Variants in PTAR1 observed in about 807,000 individuals in gnomAD.
The protein encoded by PTAR1 is protein prenyltransferase alpha subunit repeat containing 1.
PTAR1 carries 17 observed loss-of-function variants against 45.5 expected under a neutral mutation model. The ratio of observed to expected loss-of-function variants is 0.37; its 90% CI spans 0.26 to 0.56. PTAR1 has a LOEUF of 0.56. Ranked by LOEUF, PTAR1 falls within the 20% of genes least tolerant of loss-of-function variation. The probability of loss-of-function intolerance (pLI) is 0.77; values close to 1 mark genes in which losing one functional copy is unlikely to be tolerated. For synonymous variants in PTAR1, 169 were observed against 171.3 expected, an observed-to-expected ratio of 0.99 and a Z score of 0.11; for missense variants, 391 against 476.3, an observed-to-expected ratio of 0.82 and a Z score of 1.67.
chr9:69,740,179 G>A (rs1825978619), intron 3 of PTAR1, among the ~76,000 whole-genome samples: 1 of 152,072 alleles, frequency 6.6e-6, no homozygotes, highest in South Asian at 2.1e-4. Context: ...AATAACATGT[G>A]TGTATACATA....
At position 69,723,496 on chromosome 9, in the gene PTAR1, C is replaced by T; in HGVS notation, c.777G>A (p.Glu259=). Reference sequence around the variant, plus strand: ...CTGGCTCACTTCTCAAAGGATTTTGCTCCATCACAGAACTGTCTATCACAG... The same window carrying T: ...CTGGCTCACTTCTCAAAGGATTTTGTTCCATCACAGAACTGTCTATCACAG... ...SQTVIDSSVM[E]QNPLRSEPAL... is the part of the protein sequence containing the mutation. Residue 259 remains glutamate (E), a synonymous_variant, in exon 6 of 8, where the codon GAG becomes GAA. Coordinates refer to ENST00000340434, the MANE Select transcript of PTAR1 (RefSeq NM_001099666.2). 6.2e-7 allele frequency: 1 copy of T among 1,613,922 alleles called. No homozygotes were observed. The highest frequency in any genetic ancestry group is 2.2e-5 in the East Asian group (1 of 44,858).
chr9:69,755,020 A>G (rs1049001455), intron 1 of PTAR1, among the ~76,000 whole-genome samples: 1 of 152,332 alleles, frequency 6.6e-6, no homozygotes, highest in Middle Eastern at 3.4e-3. Flanking sequence ...AATATCAAAC[A>G]TATCTCTAGT....
rs750155479 is a variant in PTAR1 at position 69,732,180 on chromosome 9, G to A, written c.601C>T (p.Arg201Cys). Residue 201 changes from arginine (R) to cysteine (C), a missense_variant, in exon 5 of 8, where the codon CGC (arginine) becomes TGC (cysteine). Arg to Cys is a radical substitution (Grantham distance 180). This residue lies in a region of PTAR1 where 3 missense variants were observed against 21.3 expected (regional missense o/e 0.14). Transcript: ENST00000340434. ...YPSNYNAWSH[R>C]IWVLQHLAKL... ...GCCAAGTGCTGTAAAACCCAGATGC[G>A]ATGGGACCAAGCATTATAGTTGCTT... is the stretch of plus-strand genomic sequence containing the variant. 20 of 1,613,444 alleles carry A rather than the reference G, an allele frequency of 1.2e-5. No individual in the cohort carries two copies. The highest frequency in any genetic ancestry group is 1.6e-5 in the Non-Finnish European group (19 of 1,179,782).
At chr9:69,727,968 TC>T (rs1184714496) in intron 5 of PTAR1, among the ~76,000 whole-genome samples, 6 of 152,190 alleles carry the variant, frequency 3.9e-5, no homozygotes, top group Non-Finnish European at 8.8e-5. Context: ...AGAAGTTACA[TC>T]CCATTCCCTC....
intron 6 of PTAR1, among the ~76,000 whole-genome samples, chr9:69,719,501 C>A (rs867815549): frequency 4.6e-5 from 7 of 152,242 alleles, no homozygotes; most frequent in Middle Eastern, 3.4e-3. Context: ...GAATTCTATT[C>A]ATTTTCCTTG....
At chr9:69,746,692 G>T (rs145851937) in intron 2 of PTAR1, among the ~76,000 whole-genome samples, 1 of 152,078 alleles carries the variant, frequency 6.6e-6, no homozygotes, top group Non-Finnish European at 1.5e-5. Context: ...CCATCATCAC[G>T]CCACAGGGAG....
At chr9:69,730,299 T>C (rs994704720) in intron 5 of PTAR1, among the ~76,000 whole-genome samples, 2 of 152,058 alleles carry the variant, frequency 1.3e-5, no homozygotes, top group Non-Finnish European at 2.9e-5. Context: ...TAACTCACCA[T>C]TAATGAGTTA....
At chr9:69,740,658 A>AGGGG (rs1564140446) in intron 3 of PTAR1, among the ~76,000 whole-genome samples, 1 of 148,074 alleles carries the variant, frequency 6.8e-6, no homozygotes, top group Non-Finnish European at 1.5e-5. Flanking sequence ...AAAGGGGAAA[A>AGGGG]AAAAAAAAAA....
At position 69,711,966 on chromosome 9, in the gene PTAR1, T is replaced by C. The variant is rs1252075844; in HGVS notation, c.*6376A>G. ...CTAAGCATTTATTGAGCATCTACTA[T>C]AACTGTACCCAGTCTTTAACTAATA... is the stretch of plus-strand genomic sequence containing the variant. On this transcript the variant is annotated 3_prime_UTR_variant, in exon 8 of 8. Coordinates refer to ENST00000340434, the MANE Select transcript of PTAR1 (RefSeq NM_001099666.2). The C allele has an allele frequency of 6.6e-6, 1 of 152,128 alleles. No homozygotes were observed. The highest frequency in any genetic ancestry group is 1.5e-5 in the Non-Finnish European group (1 of 68,006). The allele number at this position is 152,128 out of a possible 1,614,324, so 9.4% of individuals were successfully genotyped here. A position where few individuals can be genotyped will look rare whatever the true frequency, so the allele number is the denominator to read the frequency against.
intron 2 of PTAR1, among the ~76,000 whole-genome samples, chr9:69,745,813 A>C (rs1352165529): frequency 2.0e-5 from 3 of 152,218 alleles, no homozygotes; most frequent in Non-Finnish European, 4.4e-5. Flanking sequence ...GTGTTAGTAC[A>C]GTCTCTGACA....
intron 2 of PTAR1, among the ~76,000 whole-genome samples, chr9:69,747,464 G>A (rs950992472): frequency 3.9e-5 from 6 of 152,200 alleles, no homozygotes; most frequent in African/African-American, 1.4e-4. Context: ...AAGAATGGAA[G>A]AATGCTGCTT....
chr9:69,726,280 C>G (rs1219941254), intron 5 of PTAR1, among the ~76,000 whole-genome samples: 2 of 151,976 alleles, frequency 1.3e-5, no homozygotes, highest in African/African-American at 4.8e-5. Context: ...TAAGAAAAAT[C>G]TGGGATATTC....
At chr9:69,758,721 A>G (rs1315583043) in intron 1 of PTAR1, 2 of 400,044 alleles carry the variant, frequency 5.0e-6, no homozygotes, top group Admixed American at 4.9e-5. Context: ...GGAAAAGAAC[A>G]CTTTGGTAAG....
rs115178397 is a variant in PTAR1 at position 69,741,409 on chromosome 9, T to C, written c.323+383A>G. The stretch of plus-strand genomic sequence containing the variant: ...AGCCAGAGGCAAGCATGACTCCCTC[T>C]TTCTCATCCCATACACTTTCCACTA... On this transcript the variant is annotated intron_variant, in intron 3 of 7. Transcript: ENST00000340434. 877 of 157,500 alleles carry C rather than the reference T, an allele frequency of 5.6e-3. 9 individuals carry two copies. Among genetic ancestry groups the C allele is most frequent in the African/African-American group, 0.018 (742 of 41,708 alleles). 9.8% of individuals were successfully genotyped at this position (157,500 alleles called of 1,614,324 possible).
At chr9:69,755,697 A>G (rs1826745832) in intron 1 of PTAR1, among the ~76,000 whole-genome samples, 1 of 152,250 alleles carries the variant, frequency 6.6e-6, no homozygotes, top group African/African-American at 2.4e-5. Flanking sequence ...GAAAGCTAGT[A>G]AAATATATCT....
At chr9:69,727,301 C>T (rs1825334211) in intron 5 of PTAR1, among the ~76,000 whole-genome samples, 1 of 152,054 alleles carries the variant, frequency 6.6e-6, no homozygotes, top group Admixed American at 6.6e-5. Flanking sequence ...TACCCTTTAA[C>T]CAGCAACTCC....
Position 69,714,942 on chromosome 9 carries a change from G to A in PTAR1, c.*3400C>T, listed in dbSNP as rs1418589834. ...TCAAGTTGCGGGGAAAAAAGGAGAA[G>A]CATAAAATGATATGTGCACAGGTAC... On this transcript the variant is annotated 3_prime_UTR_variant, in exon 8 of 8. Transcript: ENST00000340434. 2 of 151,838 alleles carry A rather than the reference G, an allele frequency of 1.3e-5. No individual in the cohort carries two copies. Among genetic ancestry groups the A allele is most frequent in the African/African-American group, 4.8e-5 (2 of 41,254 alleles). The allele number at this position is 151,838 out of a possible 1,614,324, so 9.4% of individuals were successfully genotyped here.
intron 3 of PTAR1, 42 bp from the exon 4 acceptor site, chr9:69,734,296 C>T: frequency 1.3e-6 from 1 of 796,944 alleles, no homozygotes; most frequent in Non-Finnish European, 1.8e-6. Flanking sequence ...TTAAACATTA[C>T]TTTATCCTTA....
rs138652031 is a variant in PTAR1, at chr9:69,749,008, C to A, written c.256+1773G>T. On this transcript the variant is annotated intron_variant, in intron 2 of 7. Coordinates refer to ENST00000340434, the MANE Select transcript of PTAR1 (RefSeq NM_001099666.2). ...CAAAAGCTGCTTTTGTACACATGCA[C>A]GGTTGCAGCTGAATTCAAAGTTTAG... is the stretch of plus-strand genomic sequence containing the variant. Among the ~76,000 whole-genome samples the A allele has an allele frequency of 3.6e-3, 554 of 152,222 alleles. 4 individuals carry two copies. Among genetic ancestry groups the A allele is most frequent in the African/African-American group, 0.012 (517 of 41,548 alleles).
Sources: allele counts gnomAD v4.1 joint callset (sites outside exome capture counted in the v4.1 genomes callset), GRCh38; gene constraint gnomAD v4.1.1; regional missense constraint gnomAD v4.1.1; transcripts MANE v1.5; gene names NCBI Gene and HGNC (gene_info 2026-07-23, HGNC 2026-07-21).